The following LARP6 variants were observed in gnomAD, a reference collection of about 807,000 sequenced individuals.
LARP6 encodes la-related protein 6.
A neutral mutation model predicts 32.8 loss-of-function variants in LARP6; 18 were observed. The observed-to-expected ratio is 0.55, with a 90% CI of 0.38 to 0.81. The LOEUF is 0.81. LARP6 is among the 40% of genes least tolerant of loss of function. LARP6 has a pLI of 0.00. For missense variants in LARP6, 598 were observed against 663.1 expected (o/e 0.90, Z 1.08); for synonymous variants, 289 against 267.2 (o/e 1.08, Z -0.80).
At chr15:70,843,093 C>T (rs1039169480) in intron 1 of LARP6, among the ~76,000 whole-genome samples, 1 of 152,090 alleles carries the variant, frequency 6.6e-6, no homozygotes, top group Non-Finnish European at 1.5e-5. Flanking sequence ...TTTATCTTCC[C>T]TTCCAACCCA....
intron 1 of LARP6, among the ~76,000 whole-genome samples, chr15:70,852,736 A>AC (rs1399623100): frequency 6.6e-6 from 1 of 151,988 alleles, no homozygotes; most frequent in Non-Finnish European, 1.5e-5. Flanking sequence ...TTCCTGCCCT[A>AC]CCCTGGTGGG....
intron 2 of LARP6, among the ~76,000 whole-genome samples, chr15:70,835,124 T>C (rs1338396354): frequency 6.6e-6 from 1 of 152,224 alleles, no homozygotes; most frequent in Non-Finnish European, 1.5e-5. Context: ...TATGAAGGTT[T>C]GCTCACTGTT....
At chr15:70,839,122 C>G (rs1288782943) in intron 1 of LARP6, among the ~76,000 whole-genome samples, 1 of 152,020 alleles carries the variant, frequency 6.6e-6, no homozygotes, top group Admixed American at 6.6e-5. Context: ...TTTTAAAATA[C>G]CTTACTGATG....
intron 1 of LARP6, 86 bp downstream of exon 1, chr15:70,853,803 G>T: frequency 9.8e-7 from 1 of 1,016,172 alleles, no homozygotes; most frequent in Non-Finnish European, 1.3e-6. Context: ...TGCCCGAGGA[G>T]TTGTCGCGCG....
rs2032049179 is a variant in LARP6 at position 70,832,033 on chromosome 15, T to C, written c.*19A>G. 1.4e-6 allele frequency: 2 copies of C among 1,447,766 alleles called. No homozygotes were observed. Among genetic ancestry groups the C allele is most frequent in the Non-Finnish European group, 1.8e-6 (2 of 1,089,806 alleles). The allele number at this position is 1,447,766 out of a possible 1,614,324, so 89.7% of individuals were successfully genotyped here. A position where few individuals can be genotyped will look rare whatever the true frequency, so the allele number is the denominator to read the frequency against. Reference sequence around the variant, plus strand: ...CGAAGGTGGTTTTCAGTGGAGCTTGTATTAAAAATAGAAGGTATTTATACA... The same window carrying C: ...CGAAGGTGGTTTTCAGTGGAGCTTGCATTAAAAATAGAAGGTATTTATACA... On this transcript the variant is annotated 3_prime_UTR_variant, in exon 3 of 3. Coordinates refer to ENST00000299213, the MANE Select transcript of LARP6 (RefSeq NM_018357.4).
chr15:70,840,344 A>G (rs928575358), intron 1 of LARP6, among the ~76,000 whole-genome samples: 3 of 152,200 alleles, frequency 2.0e-5, no homozygotes, highest in African/African-American at 7.2e-5. Context: ...GTTTGAGACC[A>G]GCCTGGCCAA....
Position 70,832,315 on chromosome 15 carries a change from T to A in LARP6, c.1213A>T (p.Asn405Tyr). 1 of 1,614,256 alleles carries A rather than the reference T, an allele frequency of 6.2e-7. No individual in the cohort carries two copies. Among genetic ancestry groups the A allele is most frequent in the East Asian group, 2.2e-5 (1 of 44,878 alleles). The part of the protein sequence containing the change: ...KSPLAEEGRL[N>Y]CSTSPEIFRK... ...AAGATCTCAGGGCTGGTGCTGCAGT[T>A]CAGTCTACCTTCCTCCGCCAGTGGG... is the stretch of plus-strand genomic sequence containing the variant. Residue 405 changes from asparagine to tyrosine, a missense_variant, in exon 3 of 3, where the codon AAC becomes TAC. Coordinates refer to ENST00000299213, the MANE Select transcript of LARP6 (RefSeq NM_018357.4).
At chr15:70,851,761 G>C in intron 1 of LARP6, 1 of 1,613,682 alleles carries the variant, frequency 6.2e-7, no homozygotes, top group South Asian at 1.1e-5. Flanking sequence ...ATTGTGGAAG[G>C]TGCTAGGCAT....
At position 70,832,178 on chromosome 15, in the gene LARP6, C is replaced by T. The variant is rs1444605263; in HGVS notation, c.1350G>A (p.Thr450=). ...GCATCTTCCGGGAGAGCAGGGGACT[C>T]GTACCGGGGCTTTTCTCCTGGGTCC... ...EMGTQEKSPG[T]SPLLSRKMQT... Residue 450 remains threonine, a synonymous_variant, in exon 3 of 3, where the codon ACG becomes ACA. Coordinates refer to ENST00000299213, the MANE Select transcript of LARP6 (RefSeq NM_018357.4). 6.2e-6 allele frequency: 10 copies of T among 1,613,876 alleles called. No homozygotes were observed. The highest frequency in any genetic ancestry group is 5.9e-6 in the Non-Finnish European group (7 of 1,179,882).
chr15:70,842,754 C>T (rs1251845946), intron 1 of LARP6, among the ~76,000 whole-genome samples: 2 of 152,138 alleles, frequency 1.3e-5, no homozygotes, highest in Non-Finnish European at 2.9e-5. Flanking sequence ...ACTGAGCAGA[C>T]AGGCAGATAG....
Position 70,838,914 on chromosome 15 carries a change from A to C in LARP6, c.201-2409T>G, listed in dbSNP as rs77362635. On this transcript the variant is annotated intron_variant, in intron 1 of 2. Transcript: ENST00000299213. ...ATTTTCACTGGCTCTCAGCCTCACA[A>C]AAAAAAAAAAAAAGAAAAGAAGCAA... 3.3e-3 allele frequency among the ~76,000 whole-genome samples: 255 copies of C among 77,920 alleles called. 4 individuals are homozygous for C. Among genetic ancestry groups the C allele is most frequent in the South Asian group, 4.2e-3 (10 of 2,374 alleles). 51.1% of individuals were successfully genotyped at this position (77,920 alleles called of 152,430 possible).
chr15:70,837,143 G>A (rs982400429), intron 1 of LARP6, among the ~76,000 whole-genome samples: 2 of 152,136 alleles, frequency 1.3e-5, no homozygotes, highest in South Asian at 4.1e-4. Flanking sequence ...GGGAGGCTGA[G>A]GTAGGTGGCC....
chr15:70,851,153 T>C (rs1207511707), intron 1 of LARP6, among the ~76,000 whole-genome samples: 2 of 152,198 alleles, frequency 1.3e-5, no homozygotes, highest in Admixed American at 1.3e-4. Context: ...TAGGGCTTTA[T>C]AGGGAATGTC....
chr15:70,829,142 T>C lies in LARP6; in HGVS notation c.*2910A>G, dbSNP rs2031996543. 1 of 151,638 alleles carries C rather than the reference T, an allele frequency of 6.6e-6. No homozygotes were observed. Among genetic ancestry groups the C allele is most frequent in the Admixed American group, 6.6e-5 (1 of 15,242 alleles). The allele number at this position is 151,638 out of a possible 1,614,324, so 9.4% of individuals were successfully genotyped here. A position where few individuals can be genotyped will look rare whatever the true frequency, so the allele number is the denominator to read the frequency against. ...GCCCATAGGCAGGTTTGTTTATTTT[T>C]ATTTTTATTTTTTTGAGATGGAGTC... is the stretch of plus-strand genomic sequence containing the variant. On this transcript the variant is annotated 3_prime_UTR_variant, in exon 3 of 3. Coordinates refer to ENST00000299213, the MANE Select transcript of LARP6 (RefSeq NM_018357.4).
chr15:70,841,694 C>A (rs576114678), intron 1 of LARP6, among the ~76,000 whole-genome samples: 3 of 151,988 alleles, frequency 2.0e-5, no homozygotes, highest in Non-Finnish European at 4.4e-5. Flanking sequence ...CCCACCATCA[C>A]CAACTCTCTC....
Position 70,845,386 on chromosome 15 carries a change from T to G in LARP6, c.200+8503A>C, listed in dbSNP as rs188866146. Among the ~76,000 whole-genome samples the G allele has an allele frequency of 1.9e-3, 285 of 152,328 alleles. 1 individual carries two copies. Among genetic ancestry groups the G allele is most frequent in the African/African-American group, 6.6e-3 (276 of 41,580 alleles). On this transcript the variant is annotated intron_variant, in intron 1 of 2. Transcript: ENST00000299213. ...AGTACTGGTTAGGTATTTTGTGGAA[T>G]GTCCCTCAACTGGGATTTTTCTGAT...
intron 1 of LARP6, 83 bp from the exon 2 acceptor site, chr15:70,836,588 C>T (rs181373424): frequency 2.1e-4 from 226 of 1,087,938 alleles, no homozygotes; most frequent in East Asian, 1.4e-3. Flanking sequence ...GTCCTGACCC[C>T]CAATACCTTG....
intron 1 of LARP6, among the ~76,000 whole-genome samples, chr15:70,847,422 T>A (rs1426782894): frequency 6.6e-6 from 1 of 151,702 alleles, no homozygotes; most frequent in African/African-American, 2.4e-5. Context: ...TAGGCTGGAG[T>A]GCAGTGGCAC....
chr15:70,834,859 C>T (rs1006929205), intron 2 of LARP6, among the ~76,000 whole-genome samples: 1 of 152,216 alleles, frequency 6.6e-6, no homozygotes, highest in Non-Finnish European at 1.5e-5. Flanking sequence ...CATGTATGTT[C>T]CCCTTTTGTG....
Sources: allele counts gnomAD v4.1 joint callset (sites outside exome capture counted in the v4.1 genomes callset), GRCh38; gene constraint gnomAD v4.1.1; transcripts MANE v1.5; gene names NCBI Gene and HGNC (gene_info 2026-07-23, HGNC 2026-07-21).